The following KBTBD12 variants were observed in gnomAD, a reference collection of about 807,000 sequenced individuals.
KBTBD12 encodes the protein kelch repeat and BTB domain-containing protein 12.
KBTBD12 carries 53 observed loss-of-function variants against 58.7 expected under a neutral mutation model. The observed-to-expected ratio is 0.90, with a 90% confidence interval of 0.72 to 1.14. KBTBD12 has a LOEUF of 1.14. KBTBD12 is among the 50% of genes most tolerant of loss of function. The probability of loss-of-function intolerance (pLI) is 0.00; values close to 1 mark genes in which losing one functional copy is unlikely to be tolerated. For missense variants in KBTBD12, 704 were observed against 751.3 expected, an observed-to-expected ratio of 0.94 and a Z score of 0.74; for synonymous variants, 236 against 259.8, an observed-to-expected ratio of 0.91 and a Z score of 0.88.
chr3:127,966,814 T>C lies in KBTBD12; in HGVS notation c.1690+3428T>C, dbSNP rs569854636. ...CAAACTAGGGCACATCACTGTGACATTACAGAACACTGGGGAAAAAAATAA... is the reference window on the plus strand; with the variant it reads ...CAAACTAGGGCACATCACTGTGACACTACAGAACACTGGGGAAAAAAATAA... On this transcript the variant is annotated intron_variant, in intron 5 of 5. Transcript: ENST00000405109. 3.9e-5 allele frequency among the ~76,000 whole-genome samples: 6 copies of C among 152,176 alleles called. No individual in the cohort carries two copies. In the South Asian group the frequency reaches 1.2e-3, roughly 32 times the overall value.
intron 4 of KBTBD12, among the ~76,000 whole-genome samples, chr3:127,941,684 G>A (rs1228724538): frequency 6.6e-6 from 1 of 152,112 alleles, no homozygotes; most frequent in African/African-American, 2.4e-5. Context: ...TCTCCCAGAC[G>A]GAATCTTTCG....
intron 4 of KBTBD12, among the ~76,000 whole-genome samples, chr3:127,960,643 GT>G (rs1940421142): frequency 6.6e-6 from 1 of 152,174 alleles, no homozygotes; most frequent in Admixed American, 6.5e-5. Flanking sequence ...TTCACCTTCA[GT>G]TTAAGCTCAT....
intron 1 of KBTBD12, among the ~76,000 whole-genome samples, chr3:127,916,150 A>C (rs1425209497): frequency 6.6e-6 from 1 of 152,068 alleles, no homozygotes; most frequent in Non-Finnish European, 1.5e-5. Flanking sequence ...AATGCAAAAC[A>C]GTGTGAACTC....
chr3:127,929,800 T>C (rs1939660188), intron 3 of KBTBD12, among the ~76,000 whole-genome samples: 1 of 152,068 alleles, frequency 6.6e-6, no homozygotes, highest in South Asian at 2.1e-4. Context: ...AATTACACTT[T>C]AAATACTATT....
chr3:127,967,992 A>G (rs142924151), intron 5 of KBTBD12, among the ~76,000 whole-genome samples: 1 of 152,316 alleles, frequency 6.6e-6, no homozygotes, highest in East Asian at 1.9e-4. Context: ...TCATTATGAA[A>G]AATTCCGGTT....
intron 5 of KBTBD12, 96 bp downstream of exon 5, chr3:127,963,482 G>A (rs549390282): frequency 5.3e-5 from 61 of 1,161,346 alleles, no homozygotes; most frequent in African/African-American, 2.8e-4. Context: ...TGAGAGCAAC[G>A]TGAGCACTGC....
At chr3:127,928,120 A>G (rs1252687173) in intron 3 of KBTBD12, 86 bp downstream of exon 3, 3 of 1,178,888 alleles carry the variant, frequency 2.5e-6, no homozygotes. Context: ...GTTGAATGCT[A>G]AAAGAGTGTG....
At chr3:127,960,064 T>C (rs938096088) in intron 4 of KBTBD12, among the ~76,000 whole-genome samples, 8 of 152,062 alleles carry the variant, frequency 5.3e-5, no homozygotes, top group Middle Eastern at 3.4e-3. Context: ...CAGGGGAAAA[T>C]AGAATAAGCC....
Position 127,923,916 on chromosome 3 carries a change from A to G in KBTBD12, c.855A>G (p.Ser285=), listed in dbSNP as rs1416402901. Residue 285 remains serine (S), a synonymous_variant, in exon 2 of 6, where the codon TCA becomes TCG. Transcript: ENST00000405109. ...TGCTTTGCATTGGCAACAATTCTTC[A>G]GGAATCAGATCAAGACATAGGAGCT... ...SLLLCIGNNS[S]GIRSRHRSYG... 6.2e-7 allele frequency: 1 copy of G among 1,613,946 alleles called. No homozygotes were observed.
intron 1 of KBTBD12, among the ~76,000 whole-genome samples, chr3:127,920,376 G>T (rs1212786511): frequency 6.7e-6 from 1 of 150,228 alleles, no homozygotes; most frequent in Non-Finnish European, 1.5e-5. Flanking sequence ...GTTGACGCAT[G>T]TAGATCTAGT....
At chr3:127,947,759 C>A (rs1327465403) in intron 4 of KBTBD12, among the ~76,000 whole-genome samples, 1 of 152,194 alleles carries the variant, frequency 6.6e-6, no homozygotes, top group Non-Finnish European at 1.5e-5. Flanking sequence ...CTGCCAAAAA[C>A]CCCCCTGGTC....
chr3:127,920,124 A>T (rs1416601628), intron 1 of KBTBD12, among the ~76,000 whole-genome samples: 1 of 152,154 alleles, frequency 6.6e-6, no homozygotes, highest in Non-Finnish European at 1.5e-5. Flanking sequence ...AGTTGTACAG[A>T]TCCTTAAAGA....
In KBTBD12 at chr3:127,923,622, C is replaced by T. The variant is rs1939484124; in HGVS notation, c.561C>T (p.Asn187=). ...CACTTATTAAATCAGATGATCTTAA[C>T]ATATCCAGAGAAGAGAGCATTCTGG... ...FLTLIKSDDL[N]ISREESILDL... is the part of the protein sequence containing the mutation. Residue 187 remains asparagine (N), a synonymous_variant, in exon 2 of 6, where the codon AAC becomes AAT. Coordinates refer to ENST00000405109, the MANE Select transcript of KBTBD12 (RefSeq NM_207335.4). 6.2e-7 allele frequency: 1 copy of T among 1,613,550 alleles called. No homozygotes were observed. Among genetic ancestry groups the T allele is most frequent in the Non-Finnish European group, 8.5e-7 (1 of 1,179,756 alleles).
chr3:127,953,681 A>G (rs1310874328), intron 4 of KBTBD12, among the ~76,000 whole-genome samples: 1 of 152,260 alleles, frequency 6.6e-6, no homozygotes, highest in Non-Finnish European at 1.5e-5. Flanking sequence ...AGATGAAAAC[A>G]GCTTCTGGAA....
chr3:127,973,935 A>AG (rs995945504), intron 5 of KBTBD12, among the ~76,000 whole-genome samples: 9 of 152,140 alleles, frequency 5.9e-5, no homozygotes, highest in African/African-American at 2.2e-4. Context: ...CGTGCCCCCC[A>AG]GCCACACCCT....
intron 5 of KBTBD12, among the ~76,000 whole-genome samples, chr3:127,967,095 T>G (rs1453277101): frequency 6.6e-6 from 1 of 151,894 alleles, no homozygotes; most frequent in Non-Finnish European, 1.5e-5. Flanking sequence ...TCACCAAAAA[T>G]GAACATATAA....
intron 4 of KBTBD12, among the ~76,000 whole-genome samples, chr3:127,936,452 T>A (rs1047964233): frequency 6.6e-6 from 1 of 152,070 alleles, no homozygotes; most frequent in Non-Finnish European, 1.5e-5. Flanking sequence ...ATTGATAGGA[T>A]TAGACTGAGT....
chr3:127,986,079 T>C lies in KBTBD12; in HGVS notation c.*1801T>C, dbSNP rs919339263. ...AGTCACTCCACCTGCTCCACCTGCTTGAAAAGTCCAGAAAGCTGCCGCGTC... is the reference window on the plus strand; with the variant it reads ...AGTCACTCCACCTGCTCCACCTGCTCGAAAAGTCCAGAAAGCTGCCGCGTC... On this transcript the variant is annotated 3_prime_UTR_variant, in exon 6 of 6. Coordinates refer to ENST00000405109, the MANE Select transcript of KBTBD12 (RefSeq NM_207335.4). The C allele has an allele frequency of 2.0e-5, 3 of 152,570 alleles. No homozygotes were observed. Among genetic ancestry groups the C allele is most frequent in the African/African-American group, 4.8e-5 (2 of 41,416 alleles). 9.5% of individuals were successfully genotyped at this position (152,570 alleles called of 1,614,324 possible).
At chr3:127,947,544 T>C (rs955771250) in intron 4 of KBTBD12, among the ~76,000 whole-genome samples, 2 of 152,222 alleles carry the variant, frequency 1.3e-5, no homozygotes, top group African/African-American at 4.8e-5. Flanking sequence ...ACATGTGTGT[T>C]TGTGGCAAGC....
Sources: allele counts gnomAD v4.1 joint callset (sites outside exome capture counted in the v4.1 genomes callset), GRCh38; gene constraint gnomAD v4.1.1; transcripts MANE v1.5; gene names NCBI Gene and HGNC (gene_info 2026-07-23, HGNC 2026-07-21).